The following GLYATL1 variants were observed in gnomAD, a reference collection of about 807,000 sequenced individuals.
GLYATL1 encodes the protein glycine N-acyltransferase-like protein 1.
Under a neutral mutation model 20.0 loss-of-function variants are expected in GLYATL1, and 15 were observed. The ratio of observed to expected loss-of-function variants is 0.75; its 90% CI spans 0.50 to 1.15. The LOEUF (loss-of-function observed/expected upper bound fraction) is 1.15, where lower values mean the gene tolerates loss of function less well. Among genes scored for constraint, GLYATL1 ranks in the 50% most tolerant of loss-of-function variants. The pLI is 0.00. For synonymous variants in GLYATL1, 151 were observed against 131.5 expected (o/e 1.15, Z -1.01); for missense variants, 380 against 368.5 (o/e 1.03, Z -0.26).
intron 1 of GLYATL1, among the ~76,000 whole-genome samples, chr11:58,906,761 G>A (rs1006314413): frequency 6.6e-6 from 1 of 152,204 alleles, no homozygotes; most frequent in Non-Finnish European, 1.5e-5. Context: ...CTGTAAGCAA[G>A]CACAGCTGCA....
At chr11:58,916,251 C>T (rs1855169444) in intron 1 of GLYATL1, among the ~76,000 whole-genome samples, 1 of 152,198 alleles carries the variant, frequency 6.6e-6, no homozygotes, top group African/African-American at 2.4e-5. Flanking sequence ...CAGGTCCCAT[C>T]AAACTGTAGA....
At chr11:58,954,939 A>G in intron 5 of GLYATL1, 43 bp downstream of exon 5, 2 of 1,582,222 alleles carry the variant, frequency 1.3e-6, no homozygotes, top group Non-Finnish European at 1.7e-6. Context: ...TGCTTCTCAA[A>G]TTGTGTCTTC....
chr11:58,943,105 C>G (rs999932108), intron 1 of GLYATL1: 1 of 591,240 alleles, frequency 1.7e-6, no homozygotes, highest in African/African-American at 1.9e-5. Flanking sequence ...AATTTTGCTA[C>G]AAACTGTTGA....
chr11:58,939,041 A>AT (rs150894909), upstream of GLYATL1, among the ~76,000 whole-genome samples: 8,501 of 151,992 alleles, frequency 0.056, 329 homozygotes, highest in Middle Eastern at 0.092. Flanking sequence ...CCCATAGAGA[A>AT]TTTTTTTTGT....
At chr11:58,917,941 T>C (rs1855214813) in intron 1 of GLYATL1, among the ~76,000 whole-genome samples, 1 of 152,174 alleles carries the variant, frequency 6.6e-6, no homozygotes, top group Non-Finnish European at 1.5e-5. Context: ...AGAAAGCATG[T>C]TTTGCTCTTT....
chr11:58,929,867 T>G (rs1200300606), intron 1 of GLYATL1, among the ~76,000 whole-genome samples: 1 of 152,224 alleles, frequency 6.6e-6, no homozygotes, highest in Non-Finnish European at 1.5e-5. Context: ...CCTGGATTCT[T>G]TCACCTGCAT....
chr11:58,930,390 T>A (rs538472), intron 1 of GLYATL1, among the ~76,000 whole-genome samples: 1 of 151,952 alleles, frequency 6.6e-6, no homozygotes, highest in Non-Finnish European at 1.5e-5. Context: ...TGCAGTGTGA[T>A]AAGAAAAATT....
downstream of GLYATL1, among the ~76,000 whole-genome samples, chr11:58,912,816 G>T (rs79814934): frequency 0.011 from 1,677 of 152,352 alleles, 38 homozygotes; most frequent in African/African-American, 0.038. Flanking sequence ...GAGGGGCAGA[G>T]TCCCAGCTCT....
chr11:58,946,289 T>C (rs1156916061), intron 2 of GLYATL1, among the ~76,000 whole-genome samples: 1 of 152,220 alleles, frequency 6.6e-6, no homozygotes, highest in Non-Finnish European at 1.5e-5. Flanking sequence ...AAAACATGCA[T>C]TCTAATTTCC....
chr11:58,925,266 T>A (rs183453987), upstream of GLYATL1, among the ~76,000 whole-genome samples: 830 of 152,354 alleles, frequency 5.4e-3, 8 homozygotes, highest in African/African-American at 0.019. Flanking sequence ...GATACTTTTT[T>A]AAATTTAGCC....
At chr11:58,944,152 A>G (rs892528778) in intron 2 of GLYATL1, among the ~76,000 whole-genome samples, 2 of 152,260 alleles carry the variant, frequency 1.3e-5, no homozygotes, top group African/African-American at 4.8e-5. Context: ...AAAGATACTT[A>G]GAGTGGAACA....
upstream of GLYATL1, among the ~76,000 whole-genome samples, chr11:58,926,953 G>C (rs1855442236): frequency 6.6e-6 from 1 of 152,188 alleles, no homozygotes; most frequent in Non-Finnish European, 1.5e-5. Flanking sequence ...GACTCTTTTA[G>C]CAAGTATGAA....
chr11:58,940,409 C>T (rs1211421187), intron 1 of GLYATL1, among the ~76,000 whole-genome samples: 5 of 152,116 alleles, frequency 3.3e-5, no homozygotes, highest in African/African-American at 9.7e-5. Flanking sequence ...AAGGTAAAAG[C>T]TATTGGATCT....
exon 2 of GLYATL1, chr11:58,907,637 G>C: frequency 4.4e-6 from 1 of 226,270 alleles, no homozygotes; most frequent in East Asian, 1.0e-4. Flanking sequence ...GATGTTTCTA[G>C]TCATTGTGGG....
At position 58,956,207 on chromosome 11, in the gene GLYATL1, G is replaced by A. The variant is rs1857410422; in HGVS notation, c.*180G>A. 3.2e-6 allele frequency: 2 copies of A among 620,850 alleles called. No individual in the cohort carries two copies. Among genetic ancestry groups the A allele is most frequent in the South Asian group, 2.2e-5 (1 of 46,448 alleles). 38.5% of individuals were successfully genotyped at this position (620,850 alleles called of 1,614,324 possible). A position where few individuals can be genotyped will look rare whatever the true frequency, so the allele number is the denominator to read the frequency against. ...ATGCTCTTGAGGAGCTTACAATCCTGGCTGGAGGCAGGGGAGGGTATATTC... is the reference window on the plus strand; with the variant it reads ...ATGCTCTTGAGGAGCTTACAATCCTAGCTGGAGGCAGGGGAGGGTATATTC... On this transcript the variant is annotated 3_prime_UTR_variant, in exon 7 of 7. Transcript: ENST00000532726.
At chr11:58,920,468 TCAC>T (rs1452119915) in intron 1 of GLYATL1, among the ~76,000 whole-genome samples, 2 of 152,150 alleles carry the variant, frequency 1.3e-5, no homozygotes, top group African/African-American at 4.8e-5. Context: ...GAGTCCAAAG[TCAC>T]CACTGCATGC....
intron 1 of GLYATL1, among the ~76,000 whole-genome samples, chr11:58,915,130 C>A (rs996943681): frequency 1.1e-4 from 17 of 152,192 alleles, no homozygotes; most frequent in Non-Finnish European, 1.5e-5. Context: ...CTAAATTCTG[C>A]TGATTCAAAA....
intron 6 of GLYATL1, 115 bp downstream of exon 6, chr11:58,955,468 G>C: frequency 7.4e-7 from 1 of 1,356,446 alleles, no homozygotes; most frequent in Non-Finnish European, 1.0e-6. Context: ...GATGAATAAA[G>C]GTTGTCAAAG....
intron 1 of GLYATL1, among the ~76,000 whole-genome samples, chr11:58,916,655 T>G (rs1855179770): frequency 6.6e-6 from 1 of 152,180 alleles, no homozygotes; most frequent in Admixed American, 6.5e-5. Flanking sequence ...GTCAAAGCCT[T>G]CCTCTGAGGT....
Sources: allele counts gnomAD v4.1 joint callset (sites outside exome capture counted in the v4.1 genomes callset), GRCh38; gene constraint gnomAD v4.1.1; transcripts MANE v1.5; gene names NCBI Gene and HGNC (gene_info 2026-07-23, HGNC 2026-07-21).